Variants in PRDM1 observed in about 807,000 individuals in gnomAD.
PRDM1 encodes PR domain zinc finger protein 1.
In PRDM1, 13 loss-of-function variants were observed where a neutral mutation model predicts 62.8. That is an observed-to-expected ratio of 0.21 (90% CI 0.13 to 0.33). The LOEUF is 0.33. Ranked by LOEUF, PRDM1 falls within the 10% of genes least tolerant of loss-of-function variation. The probability of loss-of-function intolerance (pLI) is 1.00; values close to 1 mark genes in which losing one functional copy is unlikely to be tolerated. For synonymous variants in PRDM1, 396 were observed against 417.6 expected (o/e 0.95, Z 0.63); for missense variants, 895 against 1,058.8 (o/e 0.85, Z 2.15).
At chr6:106,051,437 G>GGGAA (rs1773173031) in intron 1 of PRDM1, among the ~76,000 whole-genome samples, 1 of 152,214 alleles carries the variant, frequency 6.6e-6, no homozygotes, top group South Asian at 2.1e-4. Context: ...CAAACAGGAA[G>GGGAA]GGAAGGAATC....
intron 4 of PRDM1, chr6:106,100,663 A>G (rs551554018): frequency 1.3e-5 from 2 of 152,172 alleles, no homozygotes; most frequent in East Asian, 1.9e-4. Context: ...ATATAATCCA[A>G]CTGTATGGTT....
rs1391526584 is a variant in PRDM1, at chr6:106,063,781, G to A, written c.-67+15067G>A. Among the ~76,000 whole-genome samples, 3 of 152,228 alleles carry A rather than the reference G, an allele frequency of 2.0e-5. No homozygotes were observed. The East Asian group carries it at 5.8e-4, about 29-fold the overall frequency. On this transcript the variant is annotated intron_variant, in intron 1 of 6. Coordinates refer to the PRDM1 transcript ENST00000651185. ...AAATGTGTCAAGAAGCTTTTGCAATGTTATTTTGGTTAATTTCCCCTTGTA... is the reference window on the plus strand; with the variant it reads ...AAATGTGTCAAGAAGCTTTTGCAATATTATTTTGGTTAATTTCCCCTTGTA...
At chr6:106,057,494 T>A (rs1259462590) in intron 1 of PRDM1, among the ~76,000 whole-genome samples, 1 of 152,262 alleles carries the variant, frequency 6.6e-6, no homozygotes, top group Non-Finnish European at 1.5e-5. Context: ...GAATGCATAC[T>A]GAATGGAGTA....
At chr6:106,023,397 C>T (rs1234290428) in intron 1 of PRDM1, among the ~76,000 whole-genome samples, 2 of 151,888 alleles carry the variant, frequency 1.3e-5, no homozygotes, top group African/African-American at 4.8e-5. Context: ...TGGCGTGAAC[C>T]CAGAAGGCAG....
chr6:106,053,841 C>A (rs565476590), intron 1 of PRDM1, among the ~76,000 whole-genome samples: 3 of 151,150 alleles, frequency 2.0e-5, no homozygotes, highest in Non-Finnish European at 4.4e-5. Context: ...CCTCCACCCC[C>A]CACAATGTAT....
In PRDM1 at chr6:106,073,116, T is replaced by C. The variant is rs1307941120; in HGVS notation, c.-66-15085T>C. 2.7e-5 allele frequency among the ~76,000 whole-genome samples: 4 copies of C among 145,504 alleles called. No homozygotes were observed. In the East Asian group the frequency reaches 8.5e-4, roughly 31 times the overall value. ...CAATTTCCTCTTTTCTTTTTTTTTT[T>C]TTTTTTGTTTGTTTTTGAGACAGAG... is the stretch of plus-strand genomic sequence containing the variant. On this transcript the variant is annotated intron_variant, in intron 1 of 6. Coordinates refer to the PRDM1 transcript ENST00000651185.
Position 106,105,277 on chromosome 6 carries a change from T to C in PRDM1, c.1117T>C (p.Ser373Pro). 6.2e-7 allele frequency: 1 copy of C among 1,613,752 alleles called. No individual in the cohort carries two copies. The highest frequency in any genetic ancestry group is 8.5e-7 in the Non-Finnish European group (1 of 1,179,914). The change falls in exon 5 of 7, where the codon TCC becomes CCC. Residue 373 changes from serine to proline, a missense_variant. Ser to Pro is a moderately conservative substitution (Grantham distance 74). This residue lies in a region of PRDM1 where 444 missense variants were observed against 422.7 expected (regional missense o/e 1.05). Coordinates refer to ENST00000369096, the MANE Select transcript of PRDM1 (RefSeq NM_001198.4). The part of the protein sequence containing the change: ...VGPGSQEHRD[S>P]YAYLNASYGT... ...CCCCGGCTCTCAAGAGCACCGGGACTCCTACGCTTACTTGAACGCGTCCTA... is the reference window on the plus strand; with the variant it reads ...CCCCGGCTCTCAAGAGCACCGGGACCCCTACGCTTACTTGAACGCGTCCTA...
intron 1 of PRDM1, among the ~76,000 whole-genome samples, chr6:105,996,186 CTT>C (rs997940251): frequency 6.6e-6 from 1 of 152,088 alleles, no homozygotes; most frequent in Admixed American, 6.5e-5. Flanking sequence ...TTAAGCAACT[CTT>C]CATCTAAATA....
Position 106,105,809 on chromosome 6 carries a change from T to G in PRDM1, c.1649T>G (p.Ile550Ser). Reference protein sequence around the residue: ...APSSDEAMNLIKNKRNMTGYK... With the variant: ...APSSDEAMNLSKNKRNMTGYK... ...AGCAGCGACGAAGCCATGAATCTCA[T>G]TAAAAACAAAAGAAACATGACCGGC... is the stretch of plus-strand genomic sequence containing the variant. Residue 550 changes from isoleucine to serine, a missense_variant, in exon 5 of 7, where the codon ATT becomes AGT. Physicochemically the swap from Ile to Ser is moderately radical, Grantham distance 142. Coordinates refer to ENST00000369096, the MANE Select transcript of PRDM1 (RefSeq NM_001198.4). The G allele has an allele frequency of 6.2e-7, 1 of 1,614,144 alleles. No individual in the cohort carries two copies. The highest frequency in any genetic ancestry group is 8.5e-7 in the Non-Finnish European group (1 of 1,180,018).
Position 106,095,734 on chromosome 6 carries a change from GGTAA to G in PRDM1, c.411+6_411+9del. 1.2e-6 allele frequency: 2 copies of G among 1,613,502 alleles called. No individual in the cohort carries two copies. The highest frequency in any genetic ancestry group is 8.5e-7 in the Non-Finnish European group (1 of 1,179,876). On this transcript the variant is annotated splice_donor_variant and splice_donor_region_variant and intron_variant, in intron 3 of 6. Transcript: ENST00000369096. LOFTEE classifies it high-confidence loss of function. ...ACGCCAACAGGAAATATTTTTGGAGGGTAAGTAAGGGAAATTTCTTCAGACCCAT... is the reference window on the plus strand; with the variant it reads ...ACGCCAACAGGAAATATTTTTGGAGGGTAAGGGAAATTTCTTCAGACCCAT...
At chr6:105,995,058 G>A (rs958132382) in intron 1 of PRDM1, among the ~76,000 whole-genome samples, 8 of 152,206 alleles carry the variant, frequency 5.3e-5, no homozygotes, top group Admixed American at 3.9e-4. Flanking sequence ...CCAGAGAGAT[G>A]AGTCAAGCGC....
intron 1 of PRDM1, among the ~76,000 whole-genome samples, chr6:106,035,402 G>A (rs570757998): frequency 1.8e-4 from 27 of 152,034 alleles, no homozygotes; most frequent in Non-Finnish European, 3.5e-4. Context: ...CAGGAGAATC[G>A]CTTGAGGCCA....
At chr6:106,007,347 T>C (rs1772495746) in intron 1 of PRDM1, among the ~76,000 whole-genome samples, 1 of 151,794 alleles carries the variant, frequency 6.6e-6, no homozygotes, top group Non-Finnish European at 1.5e-5. Context: ...GGAGAATTGC[T>C]TGAACCTGGG....
At chr6:106,086,851 C>T (rs2114614907) in intron 1 of PRDM1, among the ~76,000 whole-genome samples, 1 of 152,182 alleles carries the variant, frequency 6.6e-6, no homozygotes, top group East Asian at 1.9e-4. Flanking sequence ...CAAACTATTC[C>T]GGGTTGGCTG....
intron 1 of PRDM1, among the ~76,000 whole-genome samples, chr6:106,010,068 CAGCAGGCACTCTG>C (rs1243874068): frequency 6.6e-6 from 1 of 152,132 alleles, no homozygotes; most frequent in Admixed American, 6.6e-5. Flanking sequence ...CACTGAAGTC[CAGCAGGCACTCTG>C]AGAGCTATGG....
At chr6:106,049,719 G>C (rs975307219) in intron 1 of PRDM1, among the ~76,000 whole-genome samples, 7 of 152,266 alleles carry the variant, frequency 4.6e-5, no homozygotes, top group East Asian at 3.9e-4. Flanking sequence ...CAGGTGCATT[G>C]TACTATGCCA....
chr6:106,107,438 G>A lies in PRDM1; in HGVS notation c.2430G>A (p.Leu810=). 6.2e-7 allele frequency: 1 copy of A among 1,613,796 alleles called. No homozygotes were observed. The highest frequency in any genetic ancestry group is 8.5e-7 in the Non-Finnish European group (1 of 1,179,914). ...MKLPPSNPLP[L]VPVKVKQETV... is the part of the protein sequence containing the mutation. ...TGCCTCCCAGCAACCCACTACCTCT[G>A]GTACCTGTAAAGGTCAAACAAGAAA... The change falls in exon 7 of 7, where the codon CTG becomes CTA. Residue 810 remains leucine (L), a synonymous_variant. Coordinates refer to ENST00000369096, the MANE Select transcript of PRDM1 (RefSeq NM_001198.4).
intron 1 of PRDM1, 42 bp from the exon 2 acceptor site, chr6:106,088,159 G>T: frequency 1.3e-6 from 2 of 1,546,572 alleles, no homozygotes; most frequent in South Asian, 2.4e-5. Flanking sequence ...CCACAGGAAC[G>T]GCGGGACAAT....
intron 1 of PRDM1, among the ~76,000 whole-genome samples, chr6:106,000,923 T>C (rs1772417467): frequency 6.6e-6 from 1 of 152,248 alleles, no homozygotes; most frequent in African/African-American, 2.4e-5. Flanking sequence ...GGTCACAGGA[T>C]ATGAATATTA....
Sources: gnomAD v4.1 joint callset for allele counts (sites outside exome capture counted in the v4.1 genomes callset) on GRCh38, gnomAD v4.1.1 for gene constraint, gnomAD v4.1.1 regional missense constraint, MANE v1.5 for transcripts, NCBI Gene and HGNC (gene_info 2026-07-23, HGNC 2026-07-21) for gene names.